LRRC4C: variants seen among roughly 807,000 people sequenced by gnomAD.
LRRC4C encodes the protein leucine-rich repeat-containing protein 4C.
In LRRC4C, 5 loss-of-function variants were observed where a neutral mutation model predicts 33.6. The observed-to-expected ratio is 0.15, with a 90% CI of 0.08 to 0.31. The LOEUF (loss-of-function observed/expected upper bound fraction) is 0.31, where lower values mean the gene tolerates loss of function less well. Among genes scored for constraint, LRRC4C ranks in the 10% least tolerant of loss-of-function variants. LRRC4C has a pLI of 1.00. For synonymous variants in LRRC4C, 329 were observed against 302.0 expected (o/e 1.09, Z -0.93); for missense variants, 560 against 796.7 (o/e 0.70, Z 3.58).
At chr11:40,240,168 C>T (rs1286619962) in intron 5 of LRRC4C, among the ~76,000 whole-genome samples, 2 of 152,130 alleles carry the variant, frequency 1.3e-5, no homozygotes, top group African/African-American at 4.8e-5. Context: ...GCACCCTGTC[C>T]TCTAACATTC....
chr11:40,185,264 T>C lies in LRRC4C; in HGVS notation c.-95-44411A>G, dbSNP rs573587656. On this transcript the variant is annotated intron_variant, in intron 5 of 6. Coordinates refer to ENST00000528697, the MANE Select transcript of LRRC4C (RefSeq NM_001258419.2). ...ACATCACCCTTTTCTCAAGCAAGCA[T>C]GGGCCACCTTGACCGTACCTACCCC... Among the ~76,000 whole-genome samples, 6 of 152,316 alleles carry C rather than the reference T, an allele frequency of 3.9e-5. 1 individual carries two copies. The South Asian group carries it at 1.2e-3, about 32-fold the overall frequency.
chr11:40,185,342 T>C (rs1861322973), intron 5 of LRRC4C, among the ~76,000 whole-genome samples: 1 of 152,072 alleles, frequency 6.6e-6, no homozygotes, highest in Non-Finnish European at 1.5e-5. Context: ...CAGGGCTTAA[T>C]AGAAATTGTA....
At chr11:40,709,688 G>A (rs1946363203) in intron 2 of LRRC4C, among the ~76,000 whole-genome samples, 1 of 151,944 alleles carries the variant, frequency 6.6e-6, no homozygotes, top group Admixed American at 6.6e-5. Flanking sequence ...GTGTCTTGGG[G>A]TATCTTTGTG....
intron 1 of LRRC4C, among the ~76,000 whole-genome samples, chr11:41,233,250 T>C (rs1048125448): frequency 6.6e-6 from 1 of 151,936 alleles, no homozygotes; most frequent in Non-Finnish European, 1.5e-5. Flanking sequence ...CAAGTGAAAA[T>C]GGCATCCTAG....
intron 1 of LRRC4C, among the ~76,000 whole-genome samples, chr11:41,129,213 T>G (rs1942897222): frequency 6.6e-6 from 1 of 151,972 alleles, no homozygotes; most frequent in Admixed American, 6.6e-5. Context: ...TCTCTCGTTC[T>G]TAAGTGTTAT....
At chr11:40,698,086 A>AG (rs1447401018) in intron 2 of LRRC4C, among the ~76,000 whole-genome samples, 1 of 146,140 alleles carries the variant, frequency 6.8e-6, no homozygotes, top group Non-Finnish European at 1.5e-5. Flanking sequence ...AAAAAAAAAA[A>AG]TTACATTTAA....
chr11:41,384,024 C>A (rs906755193), intron 1 of LRRC4C, among the ~76,000 whole-genome samples: 4 of 151,764 alleles, frequency 2.6e-5, no homozygotes, highest in African/African-American at 9.7e-5. Flanking sequence ...CCCATTATAG[C>A]CTTTAGTTGT....
chr11:41,373,767 C>CA (rs1343113003), intron 1 of LRRC4C, among the ~76,000 whole-genome samples: 1 of 152,076 alleles, frequency 6.6e-6, no homozygotes, highest in Non-Finnish European at 1.5e-5. Context: ...CAAGCAGCAT[C>CA]AGCTATTTAT....
At chr11:41,271,468 C>T (rs932754927) in intron 1 of LRRC4C, among the ~76,000 whole-genome samples, 7 of 151,940 alleles carry the variant, frequency 4.6e-5, no homozygotes, top group African/African-American at 1.7e-4. Context: ...CAAGATTGTC[C>T]CCAGCTGGTT....
intron 3 of LRRC4C, among the ~76,000 whole-genome samples, chr11:40,334,738 T>C (rs549589318): frequency 6.6e-6 from 1 of 152,322 alleles, no homozygotes; most frequent in South Asian, 2.1e-4. Flanking sequence ...AAAAAAGCAT[T>C]AACACAATTC....
chr11:40,115,905 C>T lies in LRRC4C; in HGVS notation c.388G>A (p.Glu130Lys). 6.2e-7 allele frequency: 1 copy of T among 1,614,082 alleles called. No individual in the cohort carries two copies. Among genetic ancestry groups the T allele is most frequent in the Non-Finnish European group, 8.5e-7 (1 of 1,179,996 alleles). ...GTAGTAAGACGATTGTCAAAGAGTTCCAGAGTGTTGAGGTTCGCCAGACCA... is the reference window on the plus strand; with the variant it reads ...GTAGTAAGACGATTGTCAAAGAGTTTCAGAGTGTTGAGGTTCGCCAGACCA... ...FNGLANLNTL[E>K]LFDNRLTTIP... The change falls in exon 7 of 7, where the codon GAA (glutamate) becomes AAA (lysine). Residue 130 changes from glutamate to lysine, a missense_variant. Glu to Lys is a moderately conservative substitution (Grantham distance 56). Coordinates refer to ENST00000528697, the MANE Select transcript of LRRC4C (RefSeq NM_001258419.2). This position sits in a 1 kb window ranked among gnomAD's most constrained non-coding sequence, Gnocchi z 6.7.
chr11:41,303,120 T>TCTCCCTCTCCC (rs1228833972), intron 1 of LRRC4C, among the ~76,000 whole-genome samples: 3 of 109,482 alleles, frequency 2.7e-5, no homozygotes, highest in Admixed American at 2.0e-4. Context: ...TCCCTCTCCC[T>TCTCCCTCTCCC]CACCCCACGG....
At chr11:41,450,546 C>A (rs552787319) in intron 1 of LRRC4C, among the ~76,000 whole-genome samples, 1 of 152,254 alleles carries the variant, frequency 6.6e-6, no homozygotes, top group Non-Finnish European at 1.5e-5. Context: ...GTAGACACTG[C>A]TTTTAATGAG....
intron 3 of LRRC4C, among the ~76,000 whole-genome samples, chr11:40,404,852 C>T (rs1373807000): frequency 1.3e-5 from 2 of 151,662 alleles, no homozygotes; most frequent in Non-Finnish European, 2.9e-5. Context: ...TTAAGGTATA[C>T]AATATATGAT....
intron 2 of LRRC4C, among the ~76,000 whole-genome samples, chr11:40,754,882 G>A (rs1283776847): frequency 6.6e-6 from 1 of 151,966 alleles, no homozygotes; most frequent in African/African-American, 2.4e-5. Flanking sequence ...TGGTGAAGCA[G>A]CACTTGTTTA....
At chr11:40,305,198 A>G (rs1270954432) in intron 4 of LRRC4C, among the ~76,000 whole-genome samples, 1 of 152,220 alleles carries the variant, frequency 6.6e-6, no homozygotes, top group Admixed American at 6.5e-5. Flanking sequence ...TTGATCTTGT[A>G]AGAGAGGTCA....
chr11:40,326,846 A>C (rs1946128315), intron 3 of LRRC4C, among the ~76,000 whole-genome samples: 2 of 152,208 alleles, frequency 1.3e-5, no homozygotes, highest in African/African-American at 4.8e-5. Context: ...GATAATAACC[A>C]GTGTGTAGAA....
chr11:40,678,102 C>T (rs112418438), intron 2 of LRRC4C, among the ~76,000 whole-genome samples: 1 of 151,778 alleles, frequency 6.6e-6, no homozygotes, highest in Non-Finnish European at 1.5e-5. Flanking sequence ...TCTGCTAATA[C>T]TAGATAAATA....
At chr11:40,818,049 A>G (rs1951777691) in intron 2 of LRRC4C, among the ~76,000 whole-genome samples, 1 of 152,112 alleles carries the variant, frequency 6.6e-6, no homozygotes, top group Non-Finnish European at 1.5e-5. Context: ...TGCCTTGTTT[A>G]AACAAGATTT....
Sources: allele counts gnomAD v4.1 joint callset (sites outside exome capture counted in the v4.1 genomes callset), GRCh38; gene constraint gnomAD v4.1.1; non-coding constraint Gnocchi (gnomAD v3.1); transcripts MANE v1.5; gene names NCBI Gene and HGNC (gene_info 2026-07-23, HGNC 2026-07-21).